The following ADAMTS6 variants were observed in gnomAD, a reference collection of about 807,000 sequenced individuals.
ADAMTS6 encodes A disintegrin and metalloproteinase with thrombospondin motifs 6.
Under a neutral mutation model 144.3 loss-of-function variants are expected in ADAMTS6, and 23 were observed. That is an observed-to-expected ratio of 0.16 (90% CI 0.11 to 0.23). The LOEUF (loss-of-function observed/expected upper bound fraction) is 0.23, where lower values mean the gene tolerates loss of function less well. Ranked by LOEUF, ADAMTS6 falls within the 10% of genes least tolerant of loss-of-function variation. The pLI is 1.00. For missense variants in ADAMTS6, 999 were observed against 1,379.6 expected, an observed-to-expected ratio of 0.72 and a Z score of 4.37; for synonymous variants, 444 against 457.5, an observed-to-expected ratio of 0.97 and a Z score of 0.38.
intron 7 of ADAMTS6, among the ~76,000 whole-genome samples, chr5:65,370,570 G>A (rs1750779573): frequency 6.6e-6 from 1 of 152,190 alleles, no homozygotes; most frequent in African/African-American, 2.4e-5. Context: ...TTTCCGACGG[G>A]CTTAAAAAAT....
chr5:65,349,686 C>T (rs1384928227), intron 7 of ADAMTS6, among the ~76,000 whole-genome samples: 1 of 152,000 alleles, frequency 6.6e-6, no homozygotes, highest in Non-Finnish European at 1.5e-5. Context: ...GAAACCCCAT[C>T]TCCACTAAAA....
chr5:65,182,491 ATATT>A (rs1386000104), intron 22 of ADAMTS6, among the ~76,000 whole-genome samples: 1 of 151,842 alleles, frequency 6.6e-6, no homozygotes, highest in Admixed American at 6.6e-5. Context: ...TAGCAGCACA[ATATT>A]TATTGTGTCA....
chr5:65,322,006 G>A (rs746632768), intron 9 of ADAMTS6, among the ~76,000 whole-genome samples: 17 of 151,908 alleles, frequency 1.1e-4, no homozygotes, highest in Non-Finnish European at 2.4e-4. Context: ...GTGAGCCACC[G>A]TGACTAGCCT....
At chr5:65,331,526 T>C (rs1045687618) in intron 8 of ADAMTS6, among the ~76,000 whole-genome samples, 1 of 152,092 alleles carries the variant, frequency 6.6e-6, no homozygotes, top group African/African-American at 2.4e-5. Context: ...TTTTAAATGC[T>C]AATGTATTTT....
At chr5:65,173,163 G>T (rs1327861089) in intron 22 of ADAMTS6, among the ~76,000 whole-genome samples, 155 bp from the exon 23 acceptor site, 1 of 152,214 alleles carries the variant, frequency 6.6e-6, no homozygotes, top group Admixed American at 6.5e-5. Flanking sequence ...TTCCTTAAAA[G>T]TTTTGAAGCA....
At chr5:65,185,112 G>A (rs1053602532) in intron 22 of ADAMTS6, among the ~76,000 whole-genome samples, 7 of 152,202 alleles carry the variant, frequency 4.6e-5, no homozygotes, top group Non-Finnish European at 5.9e-5. Context: ...CTTCCGCTGG[G>A]ACCTTCTCTT....
intron 14 of ADAMTS6, among the ~76,000 whole-genome samples, chr5:65,245,425 A>T (rs1340841301): frequency 6.6e-6 from 1 of 152,130 alleles, no homozygotes; most frequent in Non-Finnish European, 1.5e-5. Context: ...CTACCCTATG[A>T]TTCCAGCTTC....
In ADAMTS6 at chr5:65,188,076, T is replaced by C. The variant is rs748808814; in HGVS notation, c.2850A>G (p.Glu950=). 6.2e-7 allele frequency: 1 copy of C among 1,614,162 alleles called. No homozygotes were observed. The highest frequency in any genetic ancestry group is 8.5e-7 in the Non-Finnish European group (1 of 1,180,004). Residue 950 remains glutamate (E), a synonymous_variant, in exon 22 of 25, where the codon GAA becomes GAG. Transcript: ENST00000381055. ...ATGACTGGTTGTTGCAGGGCTCTTT[T>C]TCGACAGGCCGGTGTGTTAAACAAC... ...YSGCLTHRPV[E]KEPCNNQSCP...
In ADAMTS6 at chr5:65,393,516, A is replaced by G. The variant is rs2150151700; in HGVS notation, c.1073+57959T>C. ...TCCTTGAGGTGTATTAGGACATTTC[A>G]TTATGTAAACAGATCTCTACAATTT... On this transcript the variant is annotated intron_variant, in intron 7 of 24. Transcript: ENST00000381055. Among the ~76,000 whole-genome samples the G allele has an allele frequency of 4.6e-5, 7 of 152,308 alleles. 1 individual carries two copies. In the South Asian group the frequency reaches 1.5e-3, roughly 32 times the overall value.
intron 24 of ADAMTS6, among the ~76,000 whole-genome samples, chr5:65,154,060 T>A (rs1332107655): frequency 6.6e-6 from 1 of 151,836 alleles, no homozygotes; most frequent in Non-Finnish European, 1.5e-5. Flanking sequence ...ATACAAAAAT[T>A]AGCCAGGTGT....
chr5:65,289,412 A>C (rs1561382751), intron 11 of ADAMTS6, among the ~76,000 whole-genome samples: 1 of 152,164 alleles, frequency 6.6e-6, no homozygotes, highest in Admixed American at 6.5e-5. Context: ...GAGCGCCTGT[A>C]ATCCCAGCTA....
At chr5:65,294,135 A>G (rs1742605180) in intron 10 of ADAMTS6, among the ~76,000 whole-genome samples, 1 of 152,176 alleles carries the variant, frequency 6.6e-6, no homozygotes, top group South Asian at 2.1e-4. Flanking sequence ...TGTGTAGTAC[A>G]TTTTCCTTCT....
intron 18 of ADAMTS6, among the ~76,000 whole-genome samples, chr5:65,215,789 A>G (rs1355931586): frequency 2.6e-5 from 4 of 152,178 alleles, no homozygotes; most frequent in Admixed American, 2.6e-4. Flanking sequence ...ACTTAACATG[A>G]GGGTGGGGAG....
chr5:65,431,086 A>C (rs1431417233), intron 7 of ADAMTS6, among the ~76,000 whole-genome samples: 1 of 152,182 alleles, frequency 6.6e-6, no homozygotes, highest in Non-Finnish European at 1.5e-5. Context: ...GTCTCAATGA[A>C]TGAATAAATG....
At chr5:65,393,290 G>A (rs1753074923) in intron 7 of ADAMTS6, among the ~76,000 whole-genome samples, 1 of 152,096 alleles carries the variant, frequency 6.6e-6, no homozygotes, top group Non-Finnish European at 1.5e-5. Context: ...TTAAAAATGT[G>A]TACCCCTAAA....
intron 14 of ADAMTS6, among the ~76,000 whole-genome samples, chr5:65,245,655 A>C (rs1263762949): frequency 1.3e-5 from 2 of 152,190 alleles, no homozygotes; most frequent in African/African-American, 4.8e-5. Context: ...AACTGAATAA[A>C]GATAGGTTTC....
At chr5:65,301,641 G>A (rs1743382650) in intron 9 of ADAMTS6, among the ~76,000 whole-genome samples, 1 of 152,100 alleles carries the variant, frequency 6.6e-6, no homozygotes, top group Non-Finnish European at 1.5e-5. Flanking sequence ...AACCAGGGGA[G>A]TAGTCAGAAA....
chr5:65,338,601 C>G (rs1446005635), intron 7 of ADAMTS6, among the ~76,000 whole-genome samples: 1 of 152,172 alleles, frequency 6.6e-6, no homozygotes, highest in Non-Finnish European at 1.5e-5. Context: ...AATCCCAAGC[C>G]TGAGAAGCAG....
chr5:65,347,484 G>A lies in ADAMTS6; in HGVS notation c.1074-13399C>T, dbSNP rs531901452. ...TGAGATTGGACCCTCAACTCACACC[G>A]TATACAAAAATCAACTCAAAAAGGA... is the stretch of plus-strand genomic sequence containing the variant. On this transcript the variant is annotated intron_variant, in intron 7 of 24. Transcript: ENST00000381055. Among the ~76,000 whole-genome samples, 28 of 151,748 alleles carry A rather than the reference G, an allele frequency of 1.8e-4. No homozygotes were observed. In the South Asian group the frequency reaches 3.3e-3, roughly 18 times the overall value.
Sources: gnomAD v4.1 joint callset for allele counts (sites outside exome capture counted in the v4.1 genomes callset) on GRCh38, gnomAD v4.1.1 for gene constraint, MANE v1.5 for transcripts, NCBI Gene and HGNC (gene_info 2026-07-23, HGNC 2026-07-21) for gene names.